Variants in EPS8L1 observed in about 807,000 individuals in gnomAD.
EPS8L1 encodes the protein EPS8 signaling adaptor L1, also known as epidermal growth factor receptor kinase substrate 8-like protein 1.
Under a neutral mutation model 91.7 loss-of-function variants are expected in EPS8L1, and 101 were observed. The ratio of observed to expected loss-of-function variants is 1.10; its 90% CI spans 0.94 to 1.30. The LOEUF (loss-of-function observed/expected upper bound fraction) is 1.30. Among genes scored for constraint, EPS8L1 ranks in the 50% most tolerant of loss-of-function variants. The pLI is 0.00. For missense variants in EPS8L1, 1,114 were observed against 1,017.0 expected (o/e 1.10, Z -1.30); for synonymous variants, 506 against 445.3 (o/e 1.14, Z -1.72).
At chr19:55,086,674 C>T (rs1300370903) in intron 17 of EPS8L1, 40 bp from the exon 18 acceptor site, 1 of 1,594,426 alleles carries the variant, frequency 6.3e-7, no homozygotes, top group South Asian at 1.1e-5. Flanking sequence ...ACCCCTCGCC[C>T]TGAGCCCGCA....
At chr19:55,077,970 AT>A in intron 2 of EPS8L1, 117 bp from the exon 3 acceptor site, 1 of 471,394 alleles carries the variant, frequency 2.1e-6, no homozygotes, top group Admixed American at 3.9e-5. Flanking sequence ...AATAATAATA[AT>A]AACCCTTCCA....
Position 55,086,499 on chromosome 19 carries a change from C to G in EPS8L1, c.1758C>G (p.Gly586=), listed in dbSNP as rs1172462152. 1 of 1,551,332 alleles carries G rather than the reference C, an allele frequency of 6.4e-7. No individual in the cohort carries two copies. The highest frequency in any genetic ancestry group is 1.4e-5 in the African/African-American group (1 of 73,064). ...PRWDSCDSLN[G]LDPSEKEKFS... The stretch of plus-strand genomic sequence containing the variant: ...GGGACAGCTGCGATAGCCTCAACGG[C>G]TTGGACCCCAGCGAGAAGGGTGAGT... The change falls in exon 17 of 20, where the codon GGC becomes GGG. Residue 586 remains glycine, a synonymous_variant. Transcript: ENST00000201647.
At chr19:55,085,665 G>A (rs2076345208) in intron 14 of EPS8L1, 176 bp from the exon 15 acceptor site, 5 of 695,934 alleles carry the variant, frequency 7.2e-6, no homozygotes, top group Admixed American at 5.5e-5. Context: ...GCCAAGCAAC[G>A]GAGGGAGCAA....
chr19:55,079,668 C>CTT lies in EPS8L1; in HGVS notation c.118-20_118-19dup, dbSNP rs1293938564. On this transcript the variant is annotated intron_variant, in intron 4 of 19. Transcript: ENST00000201647. ...CCTGGCATCATCTTGGGCCTCACTG[C>CTT]TTTCTCCATGGTCCGTACCAGCACC... The CTT allele has an allele frequency of 5.0e-6, 8 of 1,606,678 alleles. No homozygotes were observed. The African/African-American group carries it at 1.1e-4, about 21-fold the overall frequency.
At position 55,086,746 on chromosome 19, in the gene EPS8L1, G is replaced by A; in HGVS notation, c.1810G>A (p.Glu604Lys). The change falls in exon 18 of 20, where the codon GAA (glutamate) becomes AAA (lysine). Residue 604 changes from glutamate (E) to lysine (K), a missense_variant. By Grantham distance (56) the Glu-to-Lys change is moderately conservative (BLOSUM62 1). Transcript: ENST00000201647. ...CTCCCAGATGCTCATCGTCAACGAG[G>A]AACTGCAGGCGCGCCTGGCCCAGGG... is the stretch of plus-strand genomic sequence containing the variant. ...KFSQMLIVNE[E>K]LQARLAQGRS... 1 of 1,611,394 alleles carries A rather than the reference G, an allele frequency of 6.2e-7. No individual in the cohort carries two copies.
At chr19:55,079,557 G>A in intron 4 of EPS8L1, 133 bp from the exon 5 acceptor site, 1 of 1,062,180 alleles carries the variant, frequency 9.4e-7, no homozygotes, top group Non-Finnish European at 1.3e-6. Flanking sequence ...CTGATTTGTG[G>A]AACAGGTGAT....
rs1403531753 is a variant in EPS8L1, at chr19:55,081,750, C to T, written c.775-23C>T. Reference sequence around the variant, plus strand: ...GGTTTTGGAACTCGGGAGCCCTGAGCGTCCCCCTCCTCTGTCCCCTAGGAC... The same window carrying T: ...GGTTTTGGAACTCGGGAGCCCTGAGTGTCCCCCTCCTCTGTCCCCTAGGAC... On this transcript the variant is annotated intron_variant, in intron 8 of 19. Transcript: ENST00000201647. This position sits in a 1 kb window ranked among gnomAD's most constrained non-coding sequence, Gnocchi z 4.9. 3 of 1,583,566 alleles carry T rather than the reference C, an allele frequency of 1.9e-6. No individual in the cohort carries two copies. Among genetic ancestry groups the T allele is most frequent in the Non-Finnish European group, 2.6e-6 (3 of 1,162,428 alleles).
Position 55,087,346 on chromosome 19 carries a change from TCG to T in EPS8L1, c.1998_1999del (p.Leu667AlafsTer106). 6.2e-7 allele frequency: 1 copy of T among 1,612,502 alleles called. No individual in the cohort carries two copies. The highest frequency in any genetic ancestry group is 8.5e-7 in the Non-Finnish European group (1 of 1,179,622). The part of the protein sequence containing the change: ...LGVLTGAQLF[S>X]LQKEELRAVS... ...TGTGCTGACCGGGGCGCAGCTTTTCTCGCTGCAGAAGGAGGAGCTGCGGGCGG... is the reference window on the plus strand; with the variant it reads ...TGTGCTGACCGGGGCGCAGCTTTTCTCTGCAGAAGGAGGAGCTGCGGGCGG... On this transcript the variant is annotated frameshift_variant, in exon 19 of 20. Transcript: ENST00000201647. LOFTEE classifies it high-confidence loss of function.
intron 2 of EPS8L1, 146 bp from the exon 3 acceptor site, chr19:55,077,942 A>AATG: frequency 3.4e-6 from 1 of 297,080 alleles, no homozygotes; most frequent in Non-Finnish European, 5.9e-6. Context: ...CAATAATAAT[A>AATG]ATAATAATAA....
Position 55,081,909 on chromosome 19 carries a change from A to C in EPS8L1, c.901+10A>C. ...CGCCGGGCGGCTGGGGGTAAGGGGCACCCTGGCGTGGGATCTGAACCCCCT... is the reference window on the plus strand; with the variant it reads ...CGCCGGGCGGCTGGGGGTAAGGGGCCCCCTGGCGTGGGATCTGAACCCCCT... On this transcript the variant is annotated intron_variant, in intron 9 of 19. Transcript: ENST00000201647. The surrounding 1 kb of genome is among the most constrained non-coding windows in gnomAD (Gnocchi z 4.9). 2 of 1,603,942 alleles carry C rather than the reference A, an allele frequency of 1.2e-6. No homozygotes were observed. The highest frequency in any genetic ancestry group is 2.2e-5 in the East Asian group (1 of 44,572).
intron 5 of EPS8L1, 121 bp from the exon 6 acceptor site, chr19:55,080,008 C>G: frequency 7.0e-7 from 1 of 1,434,630 alleles, no homozygotes; most frequent in Non-Finnish European, 9.2e-7. Flanking sequence ...TTAAACAGGG[C>G]TGTTATCCCT....
chr19:55,086,984 GACCAC>G, intron 18 of EPS8L1, 96 bp downstream of exon 18: 1 of 1,376,576 alleles, frequency 7.3e-7, no homozygotes, highest in South Asian at 1.6e-5. Context: ...CAGTCGTGGA[GACCAC>G]AGGGAGCCGG....
chr19:55,082,144 C>G lies in EPS8L1; in HGVS notation c.954C>G (p.Asp318Glu). Residue 318 changes from aspartate (D) to glutamate (E), a missense_variant, in exon 10 of 20, where the codon GAC becomes GAG. Transcript: ENST00000201647. ...AKPPSEAEYT[D>E]VLQKIKYAFS... is the part of the protein sequence containing the mutation. ...CGCCCTCGGAGGCCGAGTACACCGA[C>G]GTGCTGCAGAAGATCAAGTACGCCT... The G allele has an allele frequency of 6.2e-7, 1 of 1,604,452 alleles. No homozygotes were observed. The highest frequency in any genetic ancestry group is 1.3e-5 in the African/African-American group (1 of 74,894).
In EPS8L1 at chr19:55,086,211, T is replaced by A; in HGVS notation, c.1650+19T>A. The A allele has an allele frequency of 6.3e-7, 1 of 1,592,756 alleles. No homozygotes were observed. Among genetic ancestry groups the A allele is most frequent in the Non-Finnish European group, 8.6e-7 (1 of 1,168,880 alleles). On this transcript the variant is annotated intron_variant, in intron 16 of 19. Coordinates refer to ENST00000201647, the MANE Select transcript of EPS8L1 (RefSeq NM_133180.3). The stretch of plus-strand genomic sequence containing the variant: ...CAGCCTGGTGAGCCAGCGCAGACGC[T>A]GGGATCTTGAGGGTGGAGAGGCTGG...
In EPS8L1 at chr19:55,081,323, C is replaced by T. The variant is rs1263558871; in HGVS notation, c.605C>T (p.Thr202Ile). The T allele has an allele frequency of 3.9e-6, 6 of 1,556,948 alleles. No homozygotes were observed. The highest frequency in any genetic ancestry group is 2.3e-5 in the East Asian group (1 of 42,644). ...CCGTCAGTCCGCGCAGTGATCAGCACCGTAGAGCGGGGCGCGGGCCGCGGA... is the reference window on the plus strand; with the variant it reads ...CCGTCAGTCCGCGCAGTGATCAGCATCGTAGAGCGGGGCGCGGGCCGCGGA... ...RRPSVRAVIS[T>I]VERGAGRGRP... Residue 202 changes from threonine to isoleucine, a missense_variant, in exon 8 of 20, where the codon ACC becomes ATC. Transcript: ENST00000201647. The surrounding 1 kb of genome is among the most constrained non-coding windows in gnomAD (Gnocchi z 4.9).
chr19:55,087,172 G>T lies in EPS8L1; in HGVS notation c.1953-131G>T, dbSNP rs2076361726. ...TGTGATTGGTGGGTGGGGTTCAGGA[G>T]GTGTCGGGCCTGCCCCCGCTAGAGC... On this transcript the variant is annotated intron_variant, in intron 18 of 19. Coordinates refer to ENST00000201647, the MANE Select transcript of EPS8L1 (RefSeq NM_133180.3). 2.2e-6 allele frequency: 3 copies of T among 1,355,110 alleles called. No individual in the cohort carries two copies. The East Asian group carries it at 7.6e-5, about 34-fold the overall frequency. 83.9% of individuals were successfully genotyped at this position (1,355,110 alleles called of 1,614,324 possible).
chr19:55,080,877 G>T, intron 7 of EPS8L1, 23 bp downstream of exon 7: 1 of 1,585,564 alleles, frequency 6.3e-7, no homozygotes, highest in South Asian at 1.1e-5. Flanking sequence ...AAGTTGGCAG[G>T]GTCTCTGGGA....
At chr19:55,076,224 T>A in intron 1 of EPS8L1, 184 bp from the exon 2 acceptor site, 1 of 454,524 alleles carries the variant, frequency 2.2e-6, no homozygotes, top group African/African-American at 3.1e-5. Context: ...TCTGGACTCC[T>A]GGGTCTAGGG....
chr19:55,082,862 G>A (rs1245469090), intron 12 of EPS8L1, among the ~76,000 whole-genome samples: 1 of 151,598 alleles, frequency 6.6e-6, no homozygotes, highest in Non-Finnish European at 1.5e-5. Flanking sequence ...GGAATAGAGG[G>A]GCTAGGGGCT....
Sources: allele counts gnomAD v4.1 joint callset (sites outside exome capture counted in the v4.1 genomes callset), GRCh38; gene constraint gnomAD v4.1.1; non-coding constraint Gnocchi (gnomAD v3.1); transcripts MANE v1.5; gene names NCBI Gene and HGNC (gene_info 2026-07-23, HGNC 2026-07-21).